SUV39H2: variants seen among roughly 807,000 people sequenced by gnomAD.
SUV39H2 encodes SUV39H2 histone lysine methyltransferase.
Under a neutral mutation model 47.5 loss-of-function variants are expected in SUV39H2, and 10 were observed. The ratio of observed to expected loss-of-function variants is 0.21; its 90% confidence interval spans 0.13 to 0.36. The LOEUF is 0.36. Ranked by LOEUF, SUV39H2 falls within the 10% of genes least tolerant of loss-of-function variation. The probability of loss-of-function intolerance (pLI) is 1.00; values close to 1 mark genes in which losing one functional copy is unlikely to be tolerated. For synonymous variants in SUV39H2, 159 were observed against 166.8 expected (o/e 0.95, Z 0.36); for missense variants, 266 against 487.4 (o/e 0.55, Z 4.28).
chr10:14,882,537 A>G (rs1833069655), intron 2 of SUV39H2, among the ~76,000 whole-genome samples: 2 of 152,226 alleles, frequency 1.3e-5, no homozygotes, highest in Non-Finnish European at 2.9e-5. Flanking sequence ...TGGACTGACC[A>G]GTCCAGCTGA....
At chr10:14,897,651 A>G (rs1833679065) in intron 3 of SUV39H2, 134 bp downstream of exon 3, 1 of 778,326 alleles carries the variant, frequency 1.3e-6, no homozygotes, top group Admixed American at 3.9e-5. Flanking sequence ...AAATTTATTC[A>G]GATTTAGGAG....
At position 14,886,729 on chromosome 10, in the gene SUV39H2, A is replaced by G. The variant is rs559571019; in HGVS notation, c.177+5084A>G. Reference sequence around the variant, plus strand: ...TTAGGCACTGGGAATAGAAAGATTAATAAGAAACTCCCTCACTATAAAGAA... The same window carrying G: ...TTAGGCACTGGGAATAGAAAGATTAGTAAGAAACTCCCTCACTATAAAGAA... On this transcript the variant is annotated intron_variant, in intron 2 of 5. Transcript: ENST00000354919. Among the ~76,000 whole-genome samples the G allele has an allele frequency of 4.6e-5, 7 of 152,376 alleles. No individual in the cohort carries two copies. The East Asian group carries it at 1.3e-3, about 29-fold the overall frequency.
chr10:14,879,272 C>T (rs1466844430), intron 1 of SUV39H2: 3 of 401,050 alleles, frequency 7.5e-6, no homozygotes, highest in Non-Finnish European at 1.1e-5. Context: ...CCGGGGGGCA[C>T]GGCTGCGACT....
chr10:14,896,985 A>C lies in SUV39H2; in HGVS notation c.317A>C (p.Lys106Thr), dbSNP rs1203130143. The change falls in exon 3 of 6, where the codon AAA (lysine) becomes ACA (threonine). Residue 106 changes from lysine (K) to threonine (T), a missense_variant. Around this residue, in one of 4 missense-constraint regions of SUV39H2, gnomAD observed 91 missense variants for 110.9 expected, o/e 0.82. Coordinates refer to ENST00000354919, the MANE Select transcript of SUV39H2 (RefSeq NM_001193424.2). ...CATAATTATTTATCTCAGGTAAAGA[A>C]AGGCAAAGCAATAACTCCAAAAGAC... ...DKHNYLSQVKKGKAITPKDNN... is the reference protein window; with the variant it reads ...DKHNYLSQVKTGKAITPKDNN... 1 of 1,614,168 alleles carries C rather than the reference A, an allele frequency of 6.2e-7. No homozygotes were observed. The highest frequency in any genetic ancestry group is 8.5e-7 in the Non-Finnish European group (1 of 1,180,034).
chr10:14,885,518 T>G (rs554575576), intron 2 of SUV39H2, among the ~76,000 whole-genome samples: 1 of 152,346 alleles, frequency 6.6e-6, no homozygotes, highest in African/African-American at 2.4e-5. Context: ...TTAAGGGAGC[T>G]ACCAAGATTC....
Position 14,901,091 on chromosome 10 carries a change from T to C in SUV39H2, c.997-42T>C, listed in dbSNP as rs752819993. On this transcript the variant is annotated intron_variant, in intron 4 of 5. Coordinates refer to ENST00000354919, the MANE Select transcript of SUV39H2 (RefSeq NM_001193424.2). ...TATATGGCATGTAGAAGGGCTTGTT[T>C]ACACCGTTTGTACTTAAATGGGTTC... 2.5e-6 allele frequency: 4 copies of C among 1,606,878 alleles called. No individual in the cohort carries two copies. In the East Asian group the frequency reaches 9.0e-5, roughly 36 times the overall value.
At position 14,894,619 on chromosome 10, in the gene SUV39H2, G is replaced by A. The variant is rs1261495394; in HGVS notation, c.178-2227G>A. ...CCTGACCTCGTGATCCGCCCGCCTCGGCCTCCCAAAGTGCTGGGATTACAG... is the reference window on the plus strand; with the variant it reads ...CCTGACCTCGTGATCCGCCCGCCTCAGCCTCCCAAAGTGCTGGGATTACAG... On this transcript the variant is annotated intron_variant, in intron 2 of 5. Coordinates refer to ENST00000354919, the MANE Select transcript of SUV39H2 (RefSeq NM_001193424.2). 1.2e-4 allele frequency among the ~76,000 whole-genome samples: 7 copies of A among 57,450 alleles called. 2 individuals are homozygous for A. The highest frequency in any genetic ancestry group is 4.0e-4 in the African/African-American group (2 of 5,016). The allele number at this position is 57,450 out of a possible 152,430, so 37.7% of individuals were successfully genotyped here.
At chr10:14,894,355 GTTTTTTTTTTTTT>G (rs35812740) in intron 2 of SUV39H2, among the ~76,000 whole-genome samples, 1 of 58,088 alleles carries the variant, frequency 1.7e-5, no homozygotes, top group East Asian at 5.9e-4. Context: ...AGAAAGCAAA[GTTTTTTTTTTTTT>G]TTTTTTTTTT....
chr10:14,900,169 T>A (rs1156931884), intron 4 of SUV39H2, among the ~76,000 whole-genome samples: 1 of 152,352 alleles, frequency 6.6e-6, no homozygotes, highest in East Asian at 1.9e-4. Context: ...TTCTAAATTA[T>A]AAATTAGTAT....
chr10:14,889,773 T>G (rs1833328810), intron 2 of SUV39H2, among the ~76,000 whole-genome samples: 1 of 152,132 alleles, frequency 6.6e-6, no homozygotes, highest in African/African-American at 2.4e-5. Flanking sequence ...GAAAAAGGGT[T>G]GTTACTATTA....
intron 2 of SUV39H2, among the ~76,000 whole-genome samples, chr10:14,886,939 T>C (rs1215841085): frequency 2.0e-5 from 3 of 152,202 alleles, no homozygotes; most frequent in Admixed American, 6.5e-5. Flanking sequence ...TGACTAGGGC[T>C]TCTGTCTGGA....
intron 1 of SUV39H2, among the ~76,000 whole-genome samples, chr10:14,880,438 TGATA>T (rs1833008812): frequency 6.6e-6 from 1 of 152,206 alleles, no homozygotes; most frequent in African/African-American, 2.4e-5. Context: ...TTGAGTTTAC[TGATA>T]GATTTTGTTT....
chr10:14,881,224 A>T (rs1833032817), intron 1 of SUV39H2, among the ~76,000 whole-genome samples: 1 of 152,232 alleles, frequency 6.6e-6, no homozygotes, highest in African/African-American at 2.4e-5. Flanking sequence ...AAGCTTACAG[A>T]CATGAAACAT....
chr10:14,894,603 G>A lies in SUV39H2; in HGVS notation c.178-2243G>A, dbSNP rs1345997982. On this transcript the variant is annotated intron_variant, in intron 2 of 5. Transcript: ENST00000354919. ...AAGATGGTCTCGATCTCCTGACCTCGTGATCCGCCCGCCTCGGCCTCCCAA... is the reference window on the plus strand; with the variant it reads ...AAGATGGTCTCGATCTCCTGACCTCATGATCCGCCCGCCTCGGCCTCCCAA... 3.5e-5 allele frequency among the ~76,000 whole-genome samples: 2 copies of A among 57,754 alleles called. 1 individual carries two copies. Among genetic ancestry groups the A allele is most frequent in the East Asian group, 1.2e-3 (2 of 1,658 alleles). The allele number at this position is 57,754 out of a possible 152,430, so 37.9% of individuals were successfully genotyped here.
intron 3 of SUV39H2, 128 bp from the exon 4 acceptor site, chr10:14,899,407 ATGTT>A: frequency 1.1e-6 from 1 of 927,778 alleles, no homozygotes; most frequent in Non-Finnish European, 1.6e-6. Context: ...GTTTGTGTGA[ATGTT>A]TGCTTTGATG....
chr10:14,885,059 A>C (rs1833161993), intron 2 of SUV39H2, among the ~76,000 whole-genome samples: 1 of 151,802 alleles, frequency 6.6e-6, no homozygotes, highest in Non-Finnish European at 1.5e-5. Flanking sequence ...ACTATCTCTT[A>C]TCTCTCCTCT....
At chr10:14,901,368 G>T in intron 5 of SUV39H2, 106 bp downstream of exon 5, 2 of 1,439,792 alleles carry the variant, frequency 1.4e-6, no homozygotes. Context: ...TACTAAAGAT[G>T]AAAAGTTGAG....
chr10:14,902,209 G>A (rs910872489), intron 5 of SUV39H2, among the ~76,000 whole-genome samples, 197 bp from the exon 6 acceptor site: 2 of 152,072 alleles, frequency 1.3e-5, no homozygotes, highest in Admixed American at 1.3e-4. Context: ...ATGATTTGAC[G>A]CTGAATATTA....
At chr10:14,891,454 G>A (rs1022809401) in intron 2 of SUV39H2, among the ~76,000 whole-genome samples, 2 of 152,170 alleles carry the variant, frequency 1.3e-5, no homozygotes, top group Admixed American at 6.5e-5. Context: ...TGGTTTTGTG[G>A]ATTTTTTGTT....
Sources: gnomAD v4.1 joint callset for allele counts (sites outside exome capture counted in the v4.1 genomes callset) on GRCh38, gnomAD v4.1.1 for gene constraint, gnomAD v4.1.1 regional missense constraint, MANE v1.5 for transcripts, NCBI Gene and HGNC (gene_info 2026-07-23, HGNC 2026-07-21) for gene names.